Variants in PTGER3 observed in about 807,000 individuals in gnomAD.
PTGER3 encodes the protein prostaglandin E2 receptor EP3 subtype.
In PTGER3, 22 loss-of-function variants were observed where a neutral mutation model predicts 34.7. That is an observed-to-expected ratio of 0.63 (90% CI 0.45 to 0.91). PTGER3 has a LOEUF of 0.91. Ranked by LOEUF, PTGER3 falls within the 40% of genes least tolerant of loss-of-function variation. The pLI is 0.00. For synonymous variants in PTGER3, 241 were observed against 230.1 expected (o/e 1.05, Z -0.43); for missense variants, 468 against 519.4 (o/e 0.90, Z 0.96).
chr1:70,870,764 G>C (rs754525174), intron 4 of PTGER3, among the ~76,000 whole-genome samples: 1 of 152,144 alleles, frequency 6.6e-6, no homozygotes, highest in East Asian at 1.9e-4. Context: ...CTTTGCTAAG[G>C]AATAACAAGG....
chr1:71,016,335 CA>C (rs1470133534), intron 1 of PTGER3, among the ~76,000 whole-genome samples: 1 of 151,830 alleles, frequency 6.6e-6, no homozygotes, highest in Non-Finnish European at 1.5e-5. Flanking sequence ...CTTAATAAAA[CA>C]ATAATTCACA....
At chr1:71,007,053 G>C in intron 2 of PTGER3, 1 of 985,122 alleles carries the variant, frequency 1.0e-6, no homozygotes, top group Non-Finnish European at 1.2e-6. Context: ...TAAATACACT[G>C]ACGATAACTA....
intron 1 of PTGER3, 40 bp downstream of exon 1, chr1:71,046,641 C>T: frequency 6.6e-7 from 1 of 1,507,564 alleles, no homozygotes; most frequent in Non-Finnish European, 8.8e-7. Context: ...CGCTTACTCG[C>T]ACACGCATCC....
rs139556308 is a variant in PTGER3, at chr1:70,872,880, A to G, written c.*24-20021T>C. 7.0e-3 allele frequency among the ~76,000 whole-genome samples: 1,066 copies of G among 152,280 alleles called. 13 individuals carry two copies. Among genetic ancestry groups the G allele is most frequent in the African/African-American group, 0.024 (1,007 of 41,560 alleles). On this transcript the variant is annotated intron_variant, in intron 4 of 4. Transcript: ENST00000370931. Reference sequence around the variant, plus strand: ...GTCCTTTGTCCACTGGGTACCATTAAGAATCTCTCTGTTCCAGACTGTGTG... The same window carrying G: ...GTCCTTTGTCCACTGGGTACCATTAGGAATCTCTCTGTTCCAGACTGTGTG...
At chr1:70,898,126 T>C (rs534654858) in intron 4 of PTGER3, among the ~76,000 whole-genome samples, 14 of 152,120 alleles carry the variant, frequency 9.2e-5, no homozygotes, top group Admixed American at 9.2e-4. Flanking sequence ...CTCTGGGAAT[T>C]GTCCATTTGA....
At chr1:70,920,997 G>A (rs1356680778) in intron 4 of PTGER3, among the ~76,000 whole-genome samples, 1 of 152,192 alleles carries the variant, frequency 6.6e-6, no homozygotes, top group Non-Finnish European at 1.5e-5. Context: ...GATACATGCA[G>A]TGCTATCACT....
intron 4 of PTGER3, among the ~76,000 whole-genome samples, chr1:70,917,216 T>G (rs1647194119): frequency 6.6e-6 from 1 of 151,402 alleles, no homozygotes; most frequent in South Asian, 2.1e-4. Flanking sequence ...CTCCTCAGTC[T>G]CTGGTTACTA....
At chr1:71,028,917 T>C (rs1201245952) in intron 1 of PTGER3, among the ~76,000 whole-genome samples, 1 of 152,216 alleles carries the variant, frequency 6.6e-6, no homozygotes, top group Non-Finnish European at 1.5e-5. Context: ...ATACCCATGA[T>C]TCATTAGATT....
At chr1:70,926,328 C>G (rs183392304) in intron 4 of PTGER3, among the ~76,000 whole-genome samples, 1 of 152,280 alleles carries the variant, frequency 6.6e-6, no homozygotes, top group East Asian at 1.9e-4. Flanking sequence ...AATGTTCTTT[C>G]ATTTGTTTGT....
Position 71,047,242 on chromosome 1 carries a change from G to A in PTGER3, c.336C>T (p.Val112=), listed in dbSNP as rs751630698. ...CCCAACGCTGCTTGGACAGGTACAC[G>A]ACGATGACGACCGGGGTGGTGAGAA... The part of the protein sequence containing the change: ...GQLLTTPVVI[V]VYLSKQRWEH... Residue 112 remains valine (V), a synonymous_variant, in exon 1 of 4, where the codon GTC becomes GTT. Coordinates refer to ENST00000306666, the MANE Select transcript of PTGER3 (RefSeq NM_198719.2). 98 of 1,595,160 alleles carry A rather than the reference G, an allele frequency of 6.1e-5. No homozygotes were observed. Among genetic ancestry groups the A allele is most frequent in the Non-Finnish European group, 8.4e-5 (98 of 1,171,260 alleles).
intron 4 of PTGER3, among the ~76,000 whole-genome samples, chr1:70,866,740 G>T (rs1398949922): frequency 2.0e-5 from 3 of 152,188 alleles, no homozygotes; most frequent in African/African-American, 7.2e-5. Context: ...GGCTCTATCA[G>T]GCTGAGATTG....
intron 4 of PTGER3, among the ~76,000 whole-genome samples, chr1:70,929,798 T>C (rs1308689889): frequency 6.6e-6 from 1 of 152,224 alleles, no homozygotes; most frequent in African/African-American, 2.4e-5. Flanking sequence ...GGGAAACCTC[T>C]GCAGTGAGAG....
At chr1:70,863,179 T>G (rs1237357362) in intron 4 of PTGER3, among the ~76,000 whole-genome samples, 1 of 151,924 alleles carries the variant, frequency 6.6e-6, no homozygotes, top group Non-Finnish European at 1.5e-5. Flanking sequence ...TTTCTCAGTC[T>G]CAGCTGGAAC....
At chr1:70,975,359 G>T (rs1572822782) in intron 2 of PTGER3, among the ~76,000 whole-genome samples, 1 of 141,018 alleles carries the variant, frequency 7.1e-6, no homozygotes, top group African/African-American at 2.8e-5. Flanking sequence ...GCAGAAAAAC[G>T]ATTCCTTTTT....
intron 2 of PTGER3, among the ~76,000 whole-genome samples, chr1:70,981,007 T>A (rs931752538): frequency 8.5e-5 from 13 of 152,092 alleles, no homozygotes; most frequent in African/African-American, 2.7e-4. Context: ...AAGATTAGTA[T>A]CAGGAACAGA....
At chr1:71,020,697 A>AGAGT (rs1553177514) in intron 1 of PTGER3, among the ~76,000 whole-genome samples, 1,958 of 144,876 alleles carry the variant, frequency 0.014, 39 homozygotes, top group African/African-American at 0.047. Context: ...ATGTTAGCAG[A>AGAGT]GTGTGTGTGT....
At chr1:70,880,024 A>G (rs1646356377) in intron 4 of PTGER3, among the ~76,000 whole-genome samples, 1 of 152,038 alleles carries the variant, frequency 6.6e-6, no homozygotes, top group East Asian at 1.9e-4. Flanking sequence ...CCTGGGAGGC[A>G]GAAGTTGAAG....
chr1:71,007,535 C>G, intron 2 of PTGER3: 1 of 985,344 alleles, frequency 1.0e-6, no homozygotes, highest in Non-Finnish European at 1.2e-6. Flanking sequence ...CTTCCAGGGC[C>G]TGGCACAAAA....
At chr1:71,025,927 G>A (rs1367791772) in intron 1 of PTGER3, among the ~76,000 whole-genome samples, 5 of 152,210 alleles carry the variant, frequency 3.3e-5, no homozygotes, top group African/African-American at 1.2e-4. Flanking sequence ...TAAAGCGAAA[G>A]CAATGCTATT....
Sources: allele counts gnomAD v4.1 joint callset (sites outside exome capture counted in the v4.1 genomes callset), GRCh38; gene constraint gnomAD v4.1.1; transcripts MANE v1.5; gene names NCBI Gene and HGNC (gene_info 2026-07-23, HGNC 2026-07-21).